The following ADGRE1 variants were observed in gnomAD, a reference collection of about 807,000 sequenced individuals.
The protein encoded by ADGRE1 is adhesion G protein-coupled receptor E1, also known as EGF-like module receptor 1.
In ADGRE1, 82 loss-of-function variants were observed where a neutral mutation model predicts 102.7. The observed-to-expected ratio is 0.80, with a 90% confidence interval of 0.67 to 0.96. The LOEUF (loss-of-function observed/expected upper bound fraction) is 0.96. Ranked by LOEUF, ADGRE1 falls within the 40% of genes least tolerant of loss-of-function variation. ADGRE1 has a pLI of 0.00. For missense variants in ADGRE1, 1,032 were observed against 1,085.3 expected, an observed-to-expected ratio of 0.95 and a Z score of 0.69; for synonymous variants, 398 against 399.6, an observed-to-expected ratio of 1.00 and a Z score of 0.05.
At chr19:6,919,939 A>G (rs1003808966) in intron 13 of ADGRE1, among the ~76,000 whole-genome samples, 192 bp downstream of exon 13, 1 of 152,208 alleles carries the variant, frequency 6.6e-6, no homozygotes, top group Non-Finnish European at 1.5e-5. Flanking sequence ...AAACAGAACT[A>G]GGTCCATTTG....
intron 17 of ADGRE1, among the ~76,000 whole-genome samples, chr19:6,931,114 G>A (rs973395612): frequency 6.7e-6 from 1 of 149,468 alleles, no homozygotes; most frequent in African/African-American, 2.5e-5. Flanking sequence ...GGTAACTGCT[G>A]TTCTACTCTC....
intron 17 of ADGRE1, among the ~76,000 whole-genome samples, chr19:6,933,178 G>A (rs1427621111): frequency 3.9e-5 from 6 of 152,102 alleles, no homozygotes; most frequent in East Asian, 3.9e-4. Flanking sequence ...CCGAGGTTGC[G>A]CCATTGCACT....
chr19:6,907,559 C>T (rs1297891555), intron 9 of ADGRE1, among the ~76,000 whole-genome samples: 1 of 152,136 alleles, frequency 6.6e-6, no homozygotes, highest in Non-Finnish European at 1.5e-5. Context: ...AGACTGGTCT[C>T]AAACTCCTGA....
chr19:6,903,499 A>G (rs1290851994), intron 6 of ADGRE1, among the ~76,000 whole-genome samples: 2 of 152,110 alleles, frequency 1.3e-5, no homozygotes, highest in African/African-American at 4.8e-5. Context: ...ATCTCTCTCC[A>G]TCTTTTGGTT....
intron 17 of ADGRE1, among the ~76,000 whole-genome samples, chr19:6,933,169 C>T (rs1000072940): frequency 3.3e-5 from 5 of 152,056 alleles, no homozygotes; most frequent in African/African-American, 7.2e-5. Context: ...TACTGTGAGC[C>T]GAGGTTGCGC....
At position 6,926,347 on chromosome 19, in the gene ADGRE1, G is replaced by T. The variant is rs72988231; in HGVS notation, c.1987-19G>T. On this transcript the variant is annotated intron_variant, in intron 15 of 20. Coordinates refer to ENST00000312053, the MANE Select transcript of ADGRE1 (RefSeq NM_001974.5). ...TCTCTGGGGTGGAGGATTCTGATGC[G>T]CATGCTTCTCCCCTCCAGATGGGCT... is the stretch of plus-strand genomic sequence containing the variant. 83 of 1,612,088 alleles carry T rather than the reference G, an allele frequency of 5.1e-5. No homozygotes were observed. In the African/African-American group the frequency reaches 1.0e-3, roughly 20 times the overall value.
intron 1 of ADGRE1, among the ~76,000 whole-genome samples, chr19:6,889,295 GTGA>G (rs1360749417): frequency 2.0e-5 from 3 of 151,558 alleles, no homozygotes; most frequent in Admixed American, 6.6e-5. Flanking sequence ...GATGATGATG[GTGA>G]TGATGAAGAT....
At chr19:6,893,765 C>T (rs1973459193) in intron 2 of ADGRE1, among the ~76,000 whole-genome samples, 1 of 152,160 alleles carries the variant, frequency 6.6e-6, no homozygotes, top group Non-Finnish European at 1.5e-5. Context: ...TAACAAATTG[C>T]CACAAACTTG....
rs1599706545 is a variant in ADGRE1 at position 6,890,378 on chromosome 19, G to A, written c.32-103G>A. 5 of 1,134,096 alleles carry A rather than the reference G, an allele frequency of 4.4e-6. No individual in the cohort carries two copies. The East Asian group carries it at 1.3e-4, about 29-fold the overall frequency. 70.3% of individuals were successfully genotyped at this position (1,134,096 alleles called of 1,614,324 possible). A position where few individuals can be genotyped will look rare whatever the true frequency, so the allele number is the denominator to read the frequency against. ...ATCTAGCCTCTTCAAACCTATTTCT[G>A]TGGGGCCAAGCCAGGAGTAATTTTG... On this transcript the variant is annotated intron_variant, in intron 1 of 20. Transcript: ENST00000312053.
intron 1 of ADGRE1, among the ~76,000 whole-genome samples, chr19:6,890,279 GT>G (rs1460819233): frequency 6.6e-6 from 1 of 152,104 alleles, no homozygotes; most frequent in African/African-American, 2.4e-5. Flanking sequence ...CAAAAGCAAA[GT>G]ACAGAAAACC....
intron 14 of ADGRE1, among the ~76,000 whole-genome samples, chr19:6,922,606 T>A (rs1049935109): frequency 8.2e-6 from 1 of 122,208 alleles, no homozygotes; most frequent in African/African-American, 3.3e-5. Context: ...AGAGTGAGAC[T>A]CTGTCTCACA....
At chr19:6,921,088 C>G (rs1422670390) in intron 13 of ADGRE1, among the ~76,000 whole-genome samples, 6 of 152,088 alleles carry the variant, frequency 3.9e-5, no homozygotes, top group Admixed American at 6.5e-5. Flanking sequence ...GAGTTCGAGA[C>G]CAGCCTGGCC....
chr19:6,925,772 G>A (rs1366668524), intron 15 of ADGRE1, among the ~76,000 whole-genome samples: 1 of 151,934 alleles, frequency 6.6e-6, no homozygotes, highest in Non-Finnish European at 1.5e-5. Context: ...CCGAATCACA[G>A]CTCCTTATAG....
At chr19:6,902,119 A>G (rs1973785798) in intron 6 of ADGRE1, 98 bp downstream of exon 6, 1 of 1,436,004 alleles carries the variant, frequency 7.0e-7, no homozygotes, top group Non-Finnish European at 9.6e-7. Flanking sequence ...TGAGACTTTC[A>G]TCTGCAAATC....
Position 6,913,834 on chromosome 19 carries a change from G to A in ADGRE1, c.1300+4G>A, listed in dbSNP as rs1974286046. On this transcript the variant is annotated splice_donor_region_variant and intron_variant, in intron 11 of 20. Transcript: ENST00000312053. ...GCTGTTCGGACGGAATACTTAGGTA[G>A]GAGACACCCTTTGTGGCAAGGTTAC... The A allele has an allele frequency of 6.4e-7, 1 of 1,571,708 alleles. No homozygotes were observed. The highest frequency in any genetic ancestry group is 1.2e-5 in the South Asian group (1 of 85,064).
chr19:6,896,329 G>A, intron 2 of ADGRE1, 69 bp from the exon 3 acceptor site: 3 of 1,521,928 alleles, frequency 2.0e-6, no homozygotes, highest in Non-Finnish European at 2.7e-6. Context: ...ACCCTTGTAT[G>A]CTGGGTTCCC....
intron 11 of ADGRE1, 101 bp downstream of exon 11, chr19:6,913,931 CA>C (rs1482776700): frequency 5.4e-6 from 7 of 1,298,978 alleles, no homozygotes; most frequent in Non-Finnish European, 7.3e-6. Flanking sequence ...ATTCTTTCCC[CA>C]ACTGTTTAAA....
intron 2 of ADGRE1, among the ~76,000 whole-genome samples, chr19:6,891,942 C>T (rs144134172): frequency 1.3e-3 from 191 of 151,982 alleles, no homozygotes; most frequent in African/African-American, 4.2e-3. Context: ...TTTGGAGGAC[C>T]GAGCGAAGGT....
At chr19:6,933,924 TAAACTC>T (rs1305228528) in intron 17 of ADGRE1, among the ~76,000 whole-genome samples, 2 of 151,820 alleles carry the variant, frequency 1.3e-5, no homozygotes, top group Non-Finnish European at 2.9e-5. Flanking sequence ...CTTTAGAAGA[TAAACTC>T]AAGATAATAA....
Sources: allele counts gnomAD v4.1 joint callset (sites outside exome capture counted in the v4.1 genomes callset), GRCh38; gene constraint gnomAD v4.1.1; transcripts MANE v1.5; gene names NCBI Gene and HGNC (gene_info 2026-07-23, HGNC 2026-07-21).